Variants in ELP4 observed in about 807,000 individuals in gnomAD.
The protein encoded by ELP4 is elongator acetyltransferase complex subunit 4, also known as elongator complex protein 4.
Under a neutral mutation model 48.9 loss-of-function variants are expected in ELP4, and 51 were observed. The observed-to-expected ratio is 1.04, with a 90% confidence interval of 0.83 to 1.32. The LOEUF (loss-of-function observed/expected upper bound fraction) is 1.32, where lower values mean the gene tolerates loss of function less well. Ranked by LOEUF, ELP4 falls within the 40% of genes most tolerant of loss-of-function variation. The probability of loss-of-function intolerance (pLI) is 0.00; values close to 1 mark genes in which losing one functional copy is unlikely to be tolerated. For missense variants in ELP4, 519 were observed against 514.6 expected (o/e 1.01, Z -0.08); for synonymous variants, 210 against 189.2 (o/e 1.11, Z -0.90).
chr11:31,758,398 T>C (rs1025558646), intron 9 of ELP4, among the ~76,000 whole-genome samples: 1 of 152,236 alleles, frequency 6.6e-6, no homozygotes, highest in African/African-American at 2.4e-5. Context: ...AAATTAATGG[T>C]TGTTGAAATC....
intron 2 of ELP4, among the ~76,000 whole-genome samples, chr11:31,529,404 G>A (rs891914961): frequency 2.0e-5 from 3 of 152,080 alleles, no homozygotes; most frequent in African/African-American, 7.2e-5. Context: ...CTGTTACCAG[G>A]CAATAAAGTC....
intron 1 of ELP4, 130 bp from the exon 2 acceptor site, chr11:31,519,926 T>C (rs1035432553): frequency 1.4e-6 from 1 of 707,446 alleles, no homozygotes; most frequent in African/African-American, 1.8e-5. Context: ...ATTGCAAAGG[T>C]AATTAAAATG....
At chr11:31,706,988 A>C in intron 9 of ELP4, 1 of 398,110 alleles carries the variant, frequency 2.5e-6, no homozygotes, top group East Asian at 3.6e-5. Context: ...CTTTTTTTGG[A>C]CACCTAGGTT....
chr11:31,779,784 C>G (rs534795274), intron 9 of ELP4: 1 of 152,354 alleles, frequency 6.6e-6, no homozygotes, highest in East Asian at 1.9e-4. Flanking sequence ...ACACCTTTCC[C>G]AGATCCGTTT....
chr11:31,597,501 G>A (rs1272093365), intron 4 of ELP4, among the ~76,000 whole-genome samples: 2 of 152,146 alleles, frequency 1.3e-5, no homozygotes, highest in African/African-American at 4.8e-5. Context: ...AGAACTTCAC[G>A]TCTTTGATTC....
At chr11:31,592,401 G>A (rs1045649266) in intron 3 of ELP4, among the ~76,000 whole-genome samples, 1 of 151,780 alleles carries the variant, frequency 6.6e-6, no homozygotes, top group African/African-American at 2.4e-5. Flanking sequence ...AATTAGCCAA[G>A]CATGGTGGCA....
At chr11:31,627,087 TG>T in intron 5 of ELP4, 22 bp from the exon 6 acceptor site, 1 of 1,485,026 alleles carries the variant, frequency 6.7e-7, no homozygotes, top group Non-Finnish European at 9.4e-7. Flanking sequence ...TTTATGTATT[TG>T]AACCACTTCT....
intron 3 of ELP4, among the ~76,000 whole-genome samples, chr11:31,547,943 A>T (rs1956764898): frequency 6.6e-6 from 1 of 152,198 alleles, no homozygotes. Flanking sequence ...ACAACCCTTC[A>T]TGCTAAAAAC....
intron 9 of ELP4, chr11:31,714,754 T>C: frequency 2.5e-6 from 1 of 398,602 alleles, no homozygotes. Context: ...GGCTTCTTCC[T>C]CCGTTTTCAA....
chr11:31,627,265 GC>G (rs370114415), intron 6 of ELP4, 71 bp downstream of exon 6: 10 of 145,650 alleles, frequency 6.9e-5, no homozygotes, highest in East Asian at 2.7e-4. Flanking sequence ...GGGGGGGGGG[GC>G]GGGAACCCAG....
chr11:31,768,756 T>TC (rs1948086494), intron 9 of ELP4, among the ~76,000 whole-genome samples: 1 of 152,198 alleles, frequency 6.6e-6, no homozygotes. Flanking sequence ...AGTGTGCCTA[T>TC]CCCTCAAGCT....
chr11:31,699,336 T>C (rs1390633522), intron 9 of ELP4, among the ~76,000 whole-genome samples: 3 of 152,096 alleles, frequency 2.0e-5, no homozygotes, highest in African/African-American at 7.2e-5. Context: ...GGCCCAGGAT[T>C]TAATTCAAAG....
At chr11:31,719,564 C>T in intron 9 of ELP4, 1 of 398,004 alleles carries the variant, frequency 2.5e-6, no homozygotes, top group Non-Finnish European at 4.4e-6. Context: ...GATCTGAAAG[C>T]CACAAGTATT....
intron 3 of ELP4, among the ~76,000 whole-genome samples, chr11:31,568,457 T>G (rs573123194): frequency 1.3e-5 from 2 of 152,090 alleles, no homozygotes; most frequent in South Asian, 4.1e-4. Flanking sequence ...TATATGGAAC[T>G]ACAAAGAGCC....
intron 3 of ELP4, among the ~76,000 whole-genome samples, chr11:31,591,428 G>A (rs1196684974): frequency 7.0e-6 from 1 of 142,880 alleles, no homozygotes; most frequent in Admixed American, 7.0e-5. Context: ...AAAAAGGGGG[G>A]GGGGGGGTAT....
At chr11:31,773,710 A>C (rs1452579092) in intron 9 of ELP4, among the ~76,000 whole-genome samples, 1 of 152,210 alleles carries the variant, frequency 6.6e-6, no homozygotes, top group Non-Finnish European at 1.5e-5. Context: ...CAGCAGTGAG[A>C]TAGCTCTTGT....
intron 9 of ELP4, among the ~76,000 whole-genome samples, chr11:31,766,046 A>G (rs1948032903): frequency 6.6e-6 from 1 of 152,056 alleles, no homozygotes; most frequent in Admixed American, 6.6e-5. Context: ...GTGACTGTTC[A>G]TCTTCTGTGT....
chr11:31,569,196 A>G (rs1957158055), intron 3 of ELP4, among the ~76,000 whole-genome samples: 3 of 152,196 alleles, frequency 2.0e-5, no homozygotes, highest in African/African-American at 4.8e-5. Flanking sequence ...AGCCTTGGCA[A>G]AGAATTCATG....
chr11:31,694,957 T>C (rs1221104433), intron 9 of ELP4, among the ~76,000 whole-genome samples: 2 of 152,156 alleles, frequency 1.3e-5, no homozygotes, highest in Non-Finnish European at 2.9e-5. Context: ...TTTGGCTCTC[T>C]GTCTGTTATT....
Sources: gnomAD v4.1 joint callset for allele counts (sites outside exome capture counted in the v4.1 genomes callset) on GRCh38, gnomAD v4.1.1 for gene constraint, MANE v1.5 for transcripts, NCBI Gene and HGNC (gene_info 2026-07-23, HGNC 2026-07-21) for gene names.